JRK: variants seen among roughly 807,000 people sequenced by gnomAD.
The protein encoded by JRK is Jrk helix-turn-helix protein, also known as jerky protein homolog.
For missense variants in JRK, 720 were observed against 509.2 expected, an observed-to-expected ratio of 1.41 and a Z score of -3.98; for synonymous variants, 303 against 218.1, an observed-to-expected ratio of 1.39 and a Z score of -3.43.
rs1554635483 is a variant in JRK, at chr8:142,665,024, G to A, written c.1035C>T (p.Asn345=). The change falls in exon 2 of 2, where the codon AAC becomes AAT. Residue 345 remains asparagine, a synonymous_variant. Coordinates refer to ENST00000612905, the MANE Select transcript of JRK (RefSeq NM_003724.4). ...IRRDFMRNFI[N]PPVPLQGPHA... is the part of the protein sequence containing the mutation. Reference sequence around the variant, plus strand: ...GGGGGCCCTGCAGGGGGACCGGAGGGTTAATGAAGTTCCTCATGAAATCTC... The same window carrying A: ...GGGGGCCCTGCAGGGGGACCGGAGGATTAATGAAGTTCCTCATGAAATCTC... 6 of 715,788 alleles carry A rather than the reference G, an allele frequency of 8.4e-6. No homozygotes were observed. The highest frequency in any genetic ancestry group is 1.6e-5 in the Non-Finnish European group (6 of 383,660). The allele number at this position is 715,788 out of a possible 1,614,324, so 44.3% of individuals were successfully genotyped here.
rs953734259 is a variant in JRK at position 142,665,363 on chromosome 8, G to T, written c.696C>A (p.Pro232=). 1 of 717,512 alleles carries T rather than the reference G, an allele frequency of 1.4e-6. No individual in the cohort carries two copies. The highest frequency in any genetic ancestry group is 1.7e-5 in the African/African-American group (1 of 57,274). 44.4% of individuals were successfully genotyped at this position (717,512 alleles called of 1,614,324 possible). Residue 232 remains proline, a synonymous_variant, in exon 2 of 2, where the codon CCC becomes CCA. Transcript: ENST00000612905. ...ANATGSHRLK[P]LAIGKCSGPR... is the part of the protein sequence containing the mutation. The stretch of plus-strand genomic sequence containing the variant: ...GACCGCTGCACTTCCCGATGGCCAA[G>T]GGCTTGAGCCTGTGGGAGCCCGTGG...
chr8:142,646,448 T>C, the JRK span, among the ~76,000 whole-genome samples: 1 of 152,190 alleles, frequency 6.6e-6, no homozygotes, highest in South Asian at 2.1e-4. Context: ...TTTTATTAAA[T>C]CAATATCAGT....
the JRK span, among the ~76,000 whole-genome samples, chr8:142,647,800 C>A: frequency 6.6e-6 from 1 of 152,034 alleles, no homozygotes; most frequent in Admixed American, 6.5e-5. Flanking sequence ...CTTTGGACTG[C>A]GTAAAAGGCA....
At position 142,665,028 on chromosome 8, in the gene JRK, A is replaced by G; in HGVS notation, c.1031T>C (p.Ile344Thr). 1.4e-6 allele frequency: 1 copy of G among 715,826 alleles called. No homozygotes were observed. Among genetic ancestry groups the G allele is most frequent in the Non-Finnish European group, 2.6e-6 (1 of 383,668 alleles). The allele number at this position is 715,826 out of a possible 1,614,324, so 44.3% of individuals were successfully genotyped here. The change falls in exon 2 of 2, where the codon ATT becomes ACT. Residue 344 changes from isoleucine (I) to threonine (T), a missense_variant. Transcript: ENST00000612905. The stretch of plus-strand genomic sequence containing the variant: ...GCCCTGCAGGGGGACCGGAGGGTTA[A>G]TGAAGTTCCTCATGAAATCTCTCCG... ...GIRRDFMRNF[I>T]NPPVPLQGPH...
rs782811508 is a variant in JRK, at chr8:142,664,731, G to A, written c.1328C>T (p.Ala443Val). The A allele has an allele frequency of 1.5e-5, 24 of 1,600,700 alleles. No individual in the cohort carries two copies. In the African/African-American group the frequency reaches 1.6e-4, roughly 11 times the overall value. ...RQRQAASWGV[A>V]GREAEGGRPP... Reference sequence around the variant, plus strand: ...CCGTCCCCCTTCTGCCTCCCTTCCCGCTACCCCCCAGCTGGCGGCCTGGCG... The same window carrying A: ...CCGTCCCCCTTCTGCCTCCCTTCCCACTACCCCCCAGCTGGCGGCCTGGCG... The change falls in exon 2 of 2, where the codon GCG (alanine) becomes GTG (valine). Residue 443 changes from alanine to valine, a missense_variant. By Grantham distance (64) the Ala-to-Val change is moderately conservative. Coordinates refer to ENST00000612905, the MANE Select transcript of JRK (RefSeq NM_003724.4).
chr8:142,652,346 G>A, the JRK span, among the ~76,000 whole-genome samples: 10 of 152,190 alleles, frequency 6.6e-5, no homozygotes, highest in Non-Finnish European at 1.3e-4. Flanking sequence ...AAGGTGGTCA[G>A]ACCACAGTTT....
At chr8:142,644,434 C>A in the JRK span, among the ~76,000 whole-genome samples, 1 of 152,112 alleles carries the variant, frequency 6.6e-6, no homozygotes, top group African/African-American at 2.4e-5. Context: ...CATATTTATA[C>A]AAACACAGCC....
rs995784352 is a variant in JRK, at chr8:142,663,858, G to A, written c.*494C>T. The A allele has an allele frequency of 2.3e-5, 23 of 988,166 alleles. No homozygotes were observed. The highest frequency in any genetic ancestry group is 1.4e-4 in the South Asian group (3 of 21,322). 61.2% of individuals were successfully genotyped at this position (988,166 alleles called of 1,614,324 possible). A position where few individuals can be genotyped will look rare whatever the true frequency, so the allele number is the denominator to read the frequency against. ...CATCGGACCTCAGGCAACCGTGCTCGGGGTCCACCCAACACGGGGATGGCC... is the reference window on the plus strand; with the variant it reads ...CATCGGACCTCAGGCAACCGTGCTCAGGGTCCACCCAACACGGGGATGGCC... On this transcript the variant is annotated 3_prime_UTR_variant, in exon 2 of 2. Coordinates refer to ENST00000612905, the MANE Select transcript of JRK (RefSeq NM_003724.4).
At chr8:142,647,761 T>A in the JRK span, among the ~76,000 whole-genome samples, 1 of 152,328 alleles carries the variant, frequency 6.6e-6, no homozygotes, top group African/African-American at 2.4e-5. Context: ...GGGACACTGC[T>A]GAAAAGATAC....
chr8:142,660,461 A>G lies in JRK; in HGVS notation c.*3891T>C, dbSNP rs587724782. ...CACTCTGTCACCCAGGCTGGAGTGCAGAGGCCATAACTCACTGCAGCCTCA... is the reference window on the plus strand; with the variant it reads ...CACTCTGTCACCCAGGCTGGAGTGCGGAGGCCATAACTCACTGCAGCCTCA... On this transcript the variant is annotated 3_prime_UTR_variant, in exon 2 of 2. Transcript: ENST00000612905. 11 of 968,044 alleles carry G rather than the reference A, an allele frequency of 1.1e-5. No individual in the cohort carries two copies. The East Asian group carries it at 1.3e-3, about 111-fold the overall frequency. The allele number at this position is 968,044 out of a possible 1,614,324, so 60.0% of individuals were successfully genotyped here.
chr8:142,660,950 G>C lies in JRK; in HGVS notation c.*3402C>G, dbSNP rs1186607507. 1 of 985,468 alleles carries C rather than the reference G, an allele frequency of 1.0e-6. No homozygotes were observed. Among genetic ancestry groups the C allele is most frequent in the Non-Finnish European group, 1.2e-6 (1 of 829,988 alleles). The allele number at this position is 985,468 out of a possible 1,614,324, so 61.0% of individuals were successfully genotyped here. A position where few individuals can be genotyped will look rare whatever the true frequency, so the allele number is the denominator to read the frequency against. ...CTGATGACAGTCCTCCAACCCCAGCGAGCTGGGGAAGCCGTGGGCAGGGGC... is the reference window on the plus strand; with the variant it reads ...CTGATGACAGTCCTCCAACCCCAGCCAGCTGGGGAAGCCGTGGGCAGGGGC... On this transcript the variant is annotated 3_prime_UTR_variant, in exon 2 of 2. Coordinates refer to ENST00000612905, the MANE Select transcript of JRK (RefSeq NM_003724.4).
rs187461774 is a variant in JRK at position 142,660,964 on chromosome 8, G to A, written c.*3388C>T. 1.7e-4 allele frequency: 171 copies of A among 985,486 alleles called. 2 individuals are homozygous for A. The East Asian group carries it at 0.012, about 68-fold the overall frequency. The allele number at this position is 985,486 out of a possible 1,614,324, so 61.0% of individuals were successfully genotyped here. On this transcript the variant is annotated 3_prime_UTR_variant, in exon 2 of 2. Coordinates refer to ENST00000612905, the MANE Select transcript of JRK (RefSeq NM_003724.4). ...CCAACCCCAGCGAGCTGGGGAAGCC[G>A]TGGGCAGGGGCTGCGACTTCCTTTC...
rs1461189120 is a variant in JRK, at chr8:142,662,236, A to G, written c.*2116T>C. ...AAGAGCTCAGGTCCTGAAGAGCTAC[A>G]GTCTGACAGGGACAAGCCATGTCCA... On this transcript the variant is annotated 3_prime_UTR_variant, in exon 2 of 2. Transcript: ENST00000612905. 1 of 985,500 alleles carries G rather than the reference A, an allele frequency of 1.0e-6. No homozygotes were observed. Among genetic ancestry groups the G allele is most frequent in the Non-Finnish European group, 1.2e-6 (1 of 829,948 alleles). The allele number at this position is 985,500 out of a possible 1,614,324, so 61.0% of individuals were successfully genotyped here.
In JRK at chr8:142,663,502, C is replaced by T. The variant is rs1846983378; in HGVS notation, c.*850G>A. ...TCTGAATGTCTGATCAAGACGTATT[C>T]ATGTAAAGGCCATAAGTATGAAATT... is the stretch of plus-strand genomic sequence containing the variant. On this transcript the variant is annotated 3_prime_UTR_variant, in exon 2 of 2. Transcript: ENST00000612905. 2 of 985,342 alleles carry T rather than the reference C, an allele frequency of 2.0e-6. No individual in the cohort carries two copies. Among genetic ancestry groups the T allele is most frequent in the Non-Finnish European group, 2.4e-6 (2 of 829,942 alleles). 61.0% of individuals were successfully genotyped at this position (985,342 alleles called of 1,614,324 possible). A position where few individuals can be genotyped will look rare whatever the true frequency, so the allele number is the denominator to read the frequency against.
At chr8:142,651,776 C>T in the JRK span, among the ~76,000 whole-genome samples, 1 of 152,134 alleles carries the variant, frequency 6.6e-6, no homozygotes, top group Non-Finnish European at 1.5e-5. Flanking sequence ...GAAATTAAGA[C>T]CAGCTGGCTG....
chr8:142,661,874 G>A lies in JRK; in HGVS notation c.*2478C>T, dbSNP rs1252569842. 7.1e-6 allele frequency: 7 copies of A among 985,384 alleles called. No individual in the cohort carries two copies. Among genetic ancestry groups the A allele is most frequent in the Admixed American group, 6.2e-5 (1 of 16,258 alleles). 61.0% of individuals were successfully genotyped at this position (985,384 alleles called of 1,614,324 possible). Reference sequence around the variant, plus strand: ...TGAAAACAAAGTGCTCGGAGGACACGGCAGTCTCCATAAAGCGTTCTGGGG... The same window carrying A: ...TGAAAACAAAGTGCTCGGAGGACACAGCAGTCTCCATAAAGCGTTCTGGGG... On this transcript the variant is annotated 3_prime_UTR_variant, in exon 2 of 2. Coordinates refer to ENST00000612905, the MANE Select transcript of JRK (RefSeq NM_003724.4).
chr8:142,661,619 A>G lies in JRK; in HGVS notation c.*2733T>C. On this transcript the variant is annotated 3_prime_UTR_variant, in exon 2 of 2. Transcript: ENST00000612905. ...AGTGGCTCCAGCCTGGTGCTCACAG[A>G]TAAAACGCGGAGGCATTTAAACAGG... 1.0e-6 allele frequency: 1 copy of G among 985,450 alleles called. No individual in the cohort carries two copies. The highest frequency in any genetic ancestry group is 1.2e-6 in the Non-Finnish European group (1 of 829,948). 61.0% of individuals were successfully genotyped at this position (985,450 alleles called of 1,614,324 possible).
chr8:142,650,078 A>C, the JRK span, among the ~76,000 whole-genome samples: 7 of 152,232 alleles, frequency 4.6e-5, no homozygotes, highest in Admixed American at 4.6e-4. Context: ...GTCAAAGGAG[A>C]TCATTTTGGA....
chr8:142,666,261 C>T lies in JRK; in HGVS notation c.-203G>A. The T allele has an allele frequency of 2.3e-6, 2 of 862,176 alleles. No individual in the cohort carries two copies. Among genetic ancestry groups the T allele is most frequent in the Admixed American group, 4.8e-5 (2 of 41,268 alleles). The allele number at this position is 862,176 out of a possible 1,614,324, so 53.4% of individuals were successfully genotyped here. On this transcript the variant is annotated 5_prime_UTR_variant, in exon 2 of 2. Transcript: ENST00000612905. ...CGCTGCACCTCCTGCCTCAGGTATC[C>T]CTGGTCTTCCAGGCTCCACACACCT...
Sources: allele counts gnomAD v4.1 joint callset (sites outside exome capture counted in the v4.1 genomes callset), GRCh38; gene constraint gnomAD v4.1.1; transcripts MANE v1.5; gene names NCBI Gene and HGNC (gene_info 2026-07-23, HGNC 2026-07-21).